FBXO40: variants seen among roughly 807,000 people sequenced by gnomAD.
The protein encoded by FBXO40 is F-box only protein 40.
Under a neutral mutation model 49.9 loss-of-function variants are expected in FBXO40, and 50 were observed. The ratio of observed to expected loss-of-function variants is 1.00; its 90% CI spans 0.80 to 1.27. The LOEUF (loss-of-function observed/expected upper bound fraction) is 1.27, where lower values mean the gene tolerates loss of function less well. Ranked by LOEUF, FBXO40 falls within the 50% of genes most tolerant of loss-of-function variation. The probability of loss-of-function intolerance (pLI) is 0.00; values close to 1 mark genes in which losing one functional copy is unlikely to be tolerated. For synonymous variants in FBXO40, 340 were observed against 320.2 expected (o/e 1.06, Z -0.66); for missense variants, 895 against 870.1 (o/e 1.03, Z -0.36).
chr3:121,624,993 T>A (rs1269756696), intron 3 of FBXO40, among the ~76,000 whole-genome samples: 3 of 152,228 alleles, frequency 2.0e-5, no homozygotes, highest in Non-Finnish European at 2.9e-5. Flanking sequence ...ACTAATTTTT[T>A]AAAACAGTTT....
chr3:121,620,382 A>G (rs1193977160), intron 1 of FBXO40, among the ~76,000 whole-genome samples, 164 bp from the exon 2 acceptor site: 1 of 152,230 alleles, frequency 6.6e-6, no homozygotes, highest in African/African-American at 2.4e-5. Context: ...CAAGTTACTT[A>G]CCTTCAAGCT....
rs770193085 is a variant in FBXO40, at chr3:121,621,783, G to C, written c.354G>C (p.Glu118Asp). 2 of 1,614,216 alleles carry C rather than the reference G, an allele frequency of 1.2e-6. No homozygotes were observed. Among genetic ancestry groups the C allele is most frequent in the Admixed American group, 3.3e-5 (2 of 60,032 alleles). Reference sequence around the variant, plus strand: ...CCCTTCATGAAAACATCATGAAAGAGACCCCCAGTGAGGAGTGTTTGGACA... The same window carrying C: ...CCCTTCATGAAAACATCATGAAAGACACCCCCAGTGAGGAGTGTTTGGACA... Reference protein sequence around the residue: ...ETTLHENIMKETPSEECLDTA... With the variant: ...ETTLHENIMKDTPSEECLDTA... Residue 118 changes from glutamate to aspartate, a missense_variant, in exon 3 of 4, where the codon GAG (glutamate) becomes GAC (aspartate). Coordinates refer to ENST00000338040, the MANE Select transcript of FBXO40 (RefSeq NM_016298.4).
At chr3:121,611,513 G>A (rs1165752456) in intron 1 of FBXO40, among the ~76,000 whole-genome samples, 7 of 152,200 alleles carry the variant, frequency 4.6e-5, no homozygotes, top group Non-Finnish European at 8.8e-5. Flanking sequence ...AACATGTCTT[G>A]ACTCCCACCA....
chr3:121,626,595 A>T, intron 3 of FBXO40, 100 bp from the exon 4 acceptor site: 1 of 1,051,668 alleles, frequency 9.5e-7, no homozygotes, highest in Non-Finnish European at 1.5e-6. Context: ...GAGTCTAAGA[A>T]TATGAAGAAC....
At chr3:121,600,484 A>G (rs1156348716) in intron 1 of FBXO40, among the ~76,000 whole-genome samples, 1 of 152,218 alleles carries the variant, frequency 6.6e-6, no homozygotes, top group Non-Finnish European at 1.5e-5. Context: ...AAGTATCAAA[A>G]TAATCGCCAT....
Position 121,626,810 on chromosome 3 carries a change from AC to A in FBXO40, c.2033del (p.Pro678ArgfsTer4). ...CPFNIVEHKT[D>X]PILLTSMCQP... ...TTCAACATTGTAGAGCACAAAACTGACCCGATTCTTTTGACTAGCATGTGTC... is the reference window on the plus strand; with the variant it reads ...TTCAACATTGTAGAGCACAAAACTGACCGATTCTTTTGACTAGCATGTGTC... On this transcript the variant is annotated frameshift_variant, in exon 4 of 4. Transcript: ENST00000338040. LOFTEE classifies it high-confidence loss of function. 6.2e-7 allele frequency: 1 copy of A among 1,614,050 alleles called. No individual in the cohort carries two copies. Among genetic ancestry groups the A allele is most frequent in the South Asian group, 1.1e-5 (1 of 91,058 alleles).
intron 1 of FBXO40, among the ~76,000 whole-genome samples, chr3:121,604,122 G>C (rs1238335765): frequency 6.6e-6 from 1 of 152,170 alleles, no homozygotes; most frequent in East Asian, 1.9e-4. Flanking sequence ...ACACTGAAGG[G>C]CAGAGGTCAG....
At chr3:121,598,377 T>C (rs1318799838) in intron 1 of FBXO40, among the ~76,000 whole-genome samples, 1 of 152,216 alleles carries the variant, frequency 6.6e-6, no homozygotes, top group East Asian at 1.9e-4. Flanking sequence ...GTTTTGTAAA[T>C]TGTGAAAAAT....
At position 121,621,602 on chromosome 3, in the gene FBXO40, G is replaced by T; in HGVS notation, c.173G>T (p.Cys58Phe). Residue 58 changes from cysteine (C) to phenylalanine (F), a missense_variant, in exon 3 of 4, where the codon TGC (cysteine) becomes TTC (phenylalanine). Transcript: ENST00000338040. ...AAAGAGGCAGAGCACCAGCTCCTCT[G>T]CCCTTTAGAGCAGGTTCCGTGCCTC... ...MCKEAEHQLL[C>F]PLEQVPCLNS... 6.2e-7 allele frequency: 1 copy of T among 1,614,198 alleles called. No individual in the cohort carries two copies. Among genetic ancestry groups the T allele is most frequent in the Non-Finnish European group, 8.5e-7 (1 of 1,180,032 alleles).
At chr3:121,625,783 G>A (rs1208832065) in intron 3 of FBXO40, among the ~76,000 whole-genome samples, 2 of 152,122 alleles carry the variant, frequency 1.3e-5, no homozygotes, top group Admixed American at 6.5e-5. Context: ...ACATTAGAAT[G>A]GATTTTTAAA....
chr3:121,597,345 G>A (rs537904195), intron 1 of FBXO40, among the ~76,000 whole-genome samples: 5 of 152,064 alleles, frequency 3.3e-5, no homozygotes, highest in South Asian at 2.1e-4. Flanking sequence ...GGAATGGCTC[G>A]TGGTGATTAA....
intron 1 of FBXO40, among the ~76,000 whole-genome samples, chr3:121,606,055 C>T (rs1464100): frequency 0.35 from 53,237 of 152,080 alleles, 9,904 homozygotes; most frequent in East Asian, 0.65. Flanking sequence ...CCTGTAAGGA[C>T]ATAGATATTG....
chr3:121,624,456 T>C (rs2049051350), intron 3 of FBXO40, among the ~76,000 whole-genome samples: 2 of 152,080 alleles, frequency 1.3e-5, no homozygotes, highest in African/African-American at 4.8e-5. Context: ...CTGAATATCT[T>C]CTGTTTGCTC....
rs1229110890 is a variant in FBXO40 at position 121,628,650 on chromosome 3, T to C, written c.*1740T>C. ...TGAAAATCCCTAAAGGATGTCATAC[T>C]AGTGACAATAAGTTAGGATATGCTT... On this transcript the variant is annotated 3_prime_UTR_variant, in exon 4 of 4. Coordinates refer to ENST00000338040, the MANE Select transcript of FBXO40 (RefSeq NM_016298.4). 1 of 152,272 alleles carries C rather than the reference T, an allele frequency of 6.6e-6. No individual in the cohort carries two copies. The highest frequency in any genetic ancestry group is 6.5e-5 in the Admixed American group (1 of 15,288). The allele number at this position is 152,272 out of a possible 1,614,324, so 9.4% of individuals were successfully genotyped here.
Position 121,613,772 on chromosome 3 carries a change from C to G in FBXO40, c.-30-6774C>G, listed in dbSNP as rs558554122. ...AAAAAGACTAGATCCTGAGTGACTT[C>G]TTGTTTCCAGTGTCCCTCAGACAAG... On this transcript the variant is annotated intron_variant, in intron 1 of 3. Coordinates refer to ENST00000338040, the MANE Select transcript of FBXO40 (RefSeq NM_016298.4). 1.2e-3 allele frequency among the ~76,000 whole-genome samples: 182 copies of G among 152,316 alleles called. 1 individual carries two copies. Among genetic ancestry groups the G allele is most frequent in the African/African-American group, 3.5e-3 (147 of 41,584 alleles).
chr3:121,598,432 T>C (rs542481655), intron 1 of FBXO40, among the ~76,000 whole-genome samples: 1 of 152,342 alleles, frequency 6.6e-6, no homozygotes, highest in East Asian at 1.9e-4. Context: ...CTCCCCAAAA[T>C]AGGAGCTTTA....
chr3:121,611,418 C>T (rs114359916), intron 1 of FBXO40, among the ~76,000 whole-genome samples: 108 of 152,254 alleles, frequency 7.1e-4, no homozygotes, highest in African/African-American at 2.5e-3. Flanking sequence ...GGTACTATAC[C>T]TGGATGTGCA....
At chr3:121,605,687 T>C (rs1275337247) in intron 1 of FBXO40, among the ~76,000 whole-genome samples, 1 of 152,218 alleles carries the variant, frequency 6.6e-6, no homozygotes, top group African/African-American at 2.4e-5. Flanking sequence ...AAGAAACTTT[T>C]CTGTGGTCTC....
At chr3:121,600,352 G>C (rs906918548) in intron 1 of FBXO40, among the ~76,000 whole-genome samples, 2 of 152,032 alleles carry the variant, frequency 1.3e-5, no homozygotes, top group Non-Finnish European at 2.9e-5. Context: ...GTAGTGCATA[G>C]TTTTTAACCC....
Sources: allele counts gnomAD v4.1 joint callset (sites outside exome capture counted in the v4.1 genomes callset), GRCh38; gene constraint gnomAD v4.1.1; transcripts MANE v1.5; gene names NCBI Gene and HGNC (gene_info 2026-07-23, HGNC 2026-07-21).